The following SHROOM3 variants were observed in gnomAD, a reference collection of about 807,000 sequenced individuals.
The protein encoded by SHROOM3 is shroom family member 3.
A neutral mutation model predicts 138.6 loss-of-function variants in SHROOM3; 47 were observed. The ratio of observed to expected loss-of-function variants is 0.34; its 90% confidence interval spans 0.27 to 0.43. The LOEUF (loss-of-function observed/expected upper bound fraction) is 0.43. Ranked by LOEUF, SHROOM3 falls within the 20% of genes least tolerant of loss-of-function variation. The probability of loss-of-function intolerance (pLI) is 1.00; values close to 1 mark genes in which losing one functional copy is unlikely to be tolerated. For missense variants in SHROOM3, 2,491 were observed against 2,596.5 expected, an observed-to-expected ratio of 0.96 and a Z score of 0.88; for synonymous variants, 1,062 against 1,063.3, an observed-to-expected ratio of 1.00 and a Z score of 0.02.
Position 76,741,767 on chromosome 4 carries a change from C to T in SHROOM3, c.3594C>T (p.Gly1198=). ...LLSGANGGTR[G]TQRGDETPRE... Reference sequence around the variant, plus strand: ...GCGGAGCAAACGGTGGAACAAGGGGCACCCAGAGAGGGGATGAGACCCCCA... The same window carrying T: ...GCGGAGCAAACGGTGGAACAAGGGGTACCCAGAGAGGGGATGAGACCCCCA... The change falls in exon 5 of 11, where the codon GGC becomes GGT. Residue 1198 remains glycine (G), a synonymous_variant. Transcript: ENST00000296043. The surrounding 1 kb of genome is among the most constrained non-coding windows in gnomAD (Gnocchi z 6.2). 1.9e-6 allele frequency: 3 copies of T among 1,570,382 alleles called. No individual in the cohort carries two copies. Among genetic ancestry groups the T allele is most frequent in the Non-Finnish European group, 2.6e-6 (3 of 1,158,188 alleles).
rs60054736 is a variant in SHROOM3 at position 76,578,944 on chromosome 4, C to T, written c.323+23181C>T. Among the ~76,000 whole-genome samples the T allele has an allele frequency of 3.4e-3, 520 of 152,204 alleles. 2 individuals are homozygous for T. Among genetic ancestry groups the T allele is most frequent in the African/African-American group, 0.011 (466 of 41,506 alleles). On this transcript the variant is annotated intron_variant, in intron 2 of 10. Transcript: ENST00000296043. ...GGGCATGGCGGCTCATGCCTGTAATCCCAGCAATCTGGGAGTTTGAGACCA... is the reference window on the plus strand; with the variant it reads ...GGGCATGGCGGCTCATGCCTGTAATTCCAGCAATCTGGGAGTTTGAGACCA...
intron 2 of SHROOM3, chr4:76,573,700 C>A: frequency 6.5e-6 from 1 of 153,232 alleles, no homozygotes; most frequent in Non-Finnish European, 1.5e-5. Context: ...AATCCATGGT[C>A]AGCCATGGCC....
chr4:76,468,657 G>A (rs1731297521), intron 1 of SHROOM3, among the ~76,000 whole-genome samples: 1 of 151,750 alleles, frequency 6.6e-6, no homozygotes, highest in African/African-American at 2.4e-5. Context: ...AGATTATGTT[G>A]TTAAAGCTAT....
Position 76,543,252 on chromosome 4 carries a change from T to A in SHROOM3, c.169-12357T>A, listed in dbSNP as rs139321438. ...CCAGTTTCAGGGGCTTCAGGAGGGC[T>A]CCCTAGGGAAGGTGATCACTGAACT... is the stretch of plus-strand genomic sequence containing the variant. On this transcript the variant is annotated intron_variant, in intron 1 of 10. Coordinates refer to ENST00000296043, the MANE Select transcript of SHROOM3 (RefSeq NM_020859.4). Among the ~76,000 whole-genome samples the A allele has an allele frequency of 3.6e-4, 55 of 152,140 alleles. No homozygotes were observed. In the East Asian group the frequency reaches 9.6e-3, roughly 27 times the overall value.
chr4:76,770,943 C>T (rs1239372849), intron 10 of SHROOM3, 45 bp downstream of exon 10: 1 of 1,612,036 alleles, frequency 6.2e-7, no homozygotes, highest in Non-Finnish European at 8.5e-7. Flanking sequence ...CCCTCAAAGC[C>T]CACATACATA....
intron 2 of SHROOM3, among the ~76,000 whole-genome samples, chr4:76,592,777 C>T (rs745811647): frequency 3.3e-5 from 5 of 152,150 alleles, no homozygotes; most frequent in East Asian, 1.9e-4. Context: ...GATCTCACAA[C>T]GTACTCATGT....
At position 76,670,496 on chromosome 4, in the gene SHROOM3, T is replaced by C. The variant is rs549526536; in HGVS notation, c.324-39660T>C. 3.3e-5 allele frequency among the ~76,000 whole-genome samples: 5 copies of C among 152,262 alleles called. 1 individual carries two copies. The South Asian group carries it at 1.0e-3, about 32-fold the overall frequency. On this transcript the variant is annotated intron_variant, in intron 2 of 10. Transcript: ENST00000296043. ...GTGATGAAAATGTCCTAAACCTGGA[T>C]TATAGTGATGGTTGCAAAACTCTAT...
intron 1 of SHROOM3, among the ~76,000 whole-genome samples, chr4:76,535,398 T>G (rs1560537198): frequency 6.6e-6 from 1 of 152,188 alleles, no homozygotes; most frequent in Non-Finnish European, 1.5e-5. Context: ...ATTATTTCCA[T>G]TCCTCTTTGA....
intron 2 of SHROOM3, among the ~76,000 whole-genome samples, chr4:76,673,532 G>A (rs995097741): frequency 6.6e-6 from 1 of 152,122 alleles, no homozygotes; most frequent in Non-Finnish European, 1.5e-5. Context: ...GCAGCTTGCT[G>A]AGAGAAAAAA....
At chr4:76,540,813 A>G (rs1001853231) in intron 1 of SHROOM3, among the ~76,000 whole-genome samples, 2 of 152,226 alleles carry the variant, frequency 1.3e-5, no homozygotes, top group Non-Finnish European at 2.9e-5. Flanking sequence ...AGAGAAAACT[A>G]AAGCCTAACT....
Position 76,689,737 on chromosome 4 carries a change from G to C in SHROOM3, c.324-20419G>C, listed in dbSNP as rs565110525. 6.2e-5 allele frequency: 61 copies of C among 985,610 alleles called. No homozygotes were observed. The African/African-American group carries it at 9.9e-4, about 16-fold the overall frequency. 61.1% of individuals were successfully genotyped at this position (985,610 alleles called of 1,614,324 possible). On this transcript the variant is annotated intron_variant, in intron 2 of 10. Coordinates refer to ENST00000296043, the MANE Select transcript of SHROOM3 (RefSeq NM_020859.4). ...GAGGGCGGCTGGGCACGGAGAGGGA[G>C]GCGGGGGCCGGCCGGCTGCTTTCTG... is the stretch of plus-strand genomic sequence containing the variant.
intron 1 of SHROOM3, among the ~76,000 whole-genome samples, chr4:76,469,829 A>G (rs772967702): frequency 6.6e-6 from 1 of 152,164 alleles, no homozygotes; most frequent in Non-Finnish European, 1.5e-5. Flanking sequence ...TAAGTCAAAG[A>G]ATAGAGCTGG....
At chr4:76,543,802 T>A (rs571773759) in intron 1 of SHROOM3, among the ~76,000 whole-genome samples, 1 of 152,258 alleles carries the variant, frequency 6.6e-6, no homozygotes, top group African/African-American at 2.4e-5. Flanking sequence ...TAGAACTCAA[T>A]GAAAAAAAGC....
intron 2 of SHROOM3, among the ~76,000 whole-genome samples, chr4:76,605,952 T>TAC (rs1560562032): frequency 1.4e-5 from 2 of 141,988 alleles, no homozygotes; most frequent in African/African-American, 5.2e-5. Context: ...TATATACACA[T>TAC]ATATATATAC....
At chr4:76,557,326 C>A (rs1560545022) in intron 2 of SHROOM3, among the ~76,000 whole-genome samples, 1 of 150,740 alleles carries the variant, frequency 6.6e-6, no homozygotes, top group East Asian at 2.0e-4. Flanking sequence ...TGTAGATGAA[C>A]CTGGAGGACA....
At chr4:76,661,257 G>A (rs1736178149) in intron 2 of SHROOM3, among the ~76,000 whole-genome samples, 1 of 149,678 alleles carries the variant, frequency 6.7e-6, no homozygotes, top group Admixed American at 6.6e-5. Flanking sequence ...CTGAGACGGA[G>A]TCTCGCTCTG....
At position 76,689,588 on chromosome 4, in the gene SHROOM3, G is replaced by C. The variant is rs754132209; in HGVS notation, c.324-20568G>C. 848 of 984,954 alleles carry C rather than the reference G, an allele frequency of 8.6e-4. 1 individual carries two copies. The highest frequency in any genetic ancestry group is 9.6e-4 in the Non-Finnish European group (799 of 829,874). The allele number at this position is 984,954 out of a possible 1,614,324, so 61.0% of individuals were successfully genotyped here. ...GGCCGCCCATTGTTGAGCGCGTTGG[G>C]CCCCGCCGGCGATGCCGCGCGCCGC... On this transcript the variant is annotated intron_variant, in intron 2 of 10. Coordinates refer to ENST00000296043, the MANE Select transcript of SHROOM3 (RefSeq NM_020859.4).
intron 1 of SHROOM3, among the ~76,000 whole-genome samples, chr4:76,456,437 A>C (rs561139034): frequency 1.3e-3 from 201 of 152,296 alleles, no homozygotes; most frequent in Admixed American, 2.7e-3. Flanking sequence ...TTTGCTTTTC[A>C]GAGATTTGTG....
intron 2 of SHROOM3, among the ~76,000 whole-genome samples, chr4:76,598,285 G>A (rs372193664): frequency 8.4e-4 from 127 of 152,030 alleles, no homozygotes; most frequent in African/African-American, 2.6e-3. Context: ...CTCGGCCTCC[G>A]AAAGTCCTGG....
Sources: allele counts gnomAD v4.1 joint callset (sites outside exome capture counted in the v4.1 genomes callset), GRCh38; gene constraint gnomAD v4.1.1; non-coding constraint Gnocchi (gnomAD v3.1); transcripts MANE v1.5; gene names NCBI Gene and HGNC (gene_info 2026-07-23, HGNC 2026-07-21).